Variants in PALM2AKAP2 observed in about 807,000 individuals in gnomAD.
PALM2AKAP2 encodes the protein PALM2 and AKAP2 fusion.
Under a neutral mutation model 71.5 loss-of-function variants are expected in PALM2AKAP2, and 37 were observed. That is an observed-to-expected ratio of 0.52 (90% CI 0.40 to 0.68). The LOEUF is 0.68. Ranked by LOEUF, PALM2AKAP2 falls within the 30% of genes least tolerant of loss-of-function variation. PALM2AKAP2 has a pLI of 0.00. For missense variants in PALM2AKAP2, 1,224 were observed against 1,191.8 expected (o/e 1.03, Z -0.40); for synonymous variants, 468 against 478.8 (o/e 0.98, Z 0.29).
intron 1 of PALM2AKAP2, among the ~76,000 whole-genome samples, chr9:109,736,556 A>G (rs1243570682): frequency 1.3e-5 from 2 of 151,948 alleles, no homozygotes; most frequent in East Asian, 3.9e-4. Context: ...TTTGACTGCC[A>G]TTTTCTTTTT....
At chr9:109,793,882 T>C (rs1445515902) in intron 1 of PALM2AKAP2, among the ~76,000 whole-genome samples, 2 of 152,272 alleles carry the variant, frequency 1.3e-5, no homozygotes, top group Non-Finnish European at 2.9e-5. Context: ...CATGTATGTG[T>C]TGTCTATGGC....
At position 110,125,768 on chromosome 9, in the gene PALM2AKAP2, TTCTCTC is replaced by T. The variant is rs113303899; in HGVS notation, c.157-10353_157-10348del. Reference sequence around the variant, plus strand: ...AGCCGAGCTCAGACTGGTGTCTTGCTTCTCTCTCTCTTTTTTTTTTTTTTGCAAATC... The same window carrying T: ...AGCCGAGCTCAGACTGGTGTCTTGCTTCTCTTTTTTTTTTTTTTGCAAATC... On this transcript the variant is annotated intron_variant, in intron 1 of 3. Transcript: ENST00000374525. Among the ~76,000 whole-genome samples, 4 of 148,434 alleles carry T rather than the reference TTCTCTC, an allele frequency of 2.7e-5. No homozygotes were observed. In the South Asian group the frequency reaches 8.5e-4, roughly 32 times the overall value.
chr9:109,876,685 G>A lies in PALM2AKAP2; in HGVS notation c.127-3866G>A, dbSNP rs180971661. Among the ~76,000 whole-genome samples the A allele has an allele frequency of 2.0e-3, 306 of 152,120 alleles. 2 individuals carry two copies. The highest frequency in any genetic ancestry group is 7.1e-3 in the African/African-American group (293 of 41,498). ...AGTAGAAATGGTGTTTCACCATTTTGGCCAGGCTGGTCTCGAACTCTTGAC... is the reference window on the plus strand; with the variant it reads ...AGTAGAAATGGTGTTTCACCATTTTAGCCAGGCTGGTCTCGAACTCTTGAC... On this transcript the variant is annotated intron_variant, in intron 2 of 9. Transcript: ENST00000302798.
intron 1 of PALM2AKAP2, chr9:110,090,055 T>A (rs7847333): frequency 0.16 from 30,908 of 187,656 alleles, 3,575 homozygotes; most frequent in African/African-American, 0.34. Flanking sequence ...TGATCATTAG[T>A]AGCTGTGTAA....
Position 109,827,979 on chromosome 9 carries a change from G to C in PALM2AKAP2, c.46-39512G>C, listed in dbSNP as rs1828199476. 2.6e-5 allele frequency among the ~76,000 whole-genome samples: 4 copies of C among 152,230 alleles called. No homozygotes were observed. The South Asian group carries it at 8.3e-4, about 32-fold the overall frequency. ...TAATCCATAAAGGGCAAGAGAAGTA[G>C]AGCCAGCTTTTATTGAGTACCTGCC... On this transcript the variant is annotated intron_variant, in intron 1 of 9. Coordinates refer to the PALM2AKAP2 transcript ENST00000302798.
intron 3 of PALM2AKAP2, among the ~76,000 whole-genome samples, chr9:109,894,420 A>G (rs1178555734): frequency 6.6e-6 from 1 of 152,180 alleles, no homozygotes; most frequent in African/African-American, 2.4e-5. Flanking sequence ...TTGCTTTATT[A>G]CAGAAAAGTG....
intron 6 of PALM2AKAP2, among the ~76,000 whole-genome samples, chr9:109,980,502 C>T (rs1319768619): frequency 6.6e-6 from 1 of 152,216 alleles, no homozygotes; most frequent in Admixed American, 6.5e-5. Flanking sequence ...CTGGAGGCCT[C>T]ATCGTACACC....
chr9:109,955,621 T>C (rs1218282900), intron 6 of PALM2AKAP2, among the ~76,000 whole-genome samples: 1 of 150,398 alleles, frequency 6.6e-6, no homozygotes, highest in South Asian at 2.1e-4. Flanking sequence ...GGTTGTAGAA[T>C]ACTACTATTC....
intron 1 of PALM2AKAP2, among the ~76,000 whole-genome samples, chr9:109,660,360 C>A (rs747820659): frequency 6.6e-6 from 1 of 152,200 alleles, no homozygotes; most frequent in Non-Finnish European, 1.5e-5. Flanking sequence ...CCCCAACTCC[C>A]GACAGGCCCT....
chr9:109,765,210 T>G (rs577299012), intron 1 of PALM2AKAP2, among the ~76,000 whole-genome samples: 1 of 152,194 alleles, frequency 6.6e-6, no homozygotes, highest in Non-Finnish European at 1.5e-5. Flanking sequence ...TCTGATGAAG[T>G]CAGTCTGAGG....
chr9:109,764,238 G>A (rs1829108289), intron 1 of PALM2AKAP2, among the ~76,000 whole-genome samples: 1 of 152,080 alleles, frequency 6.6e-6, no homozygotes. Flanking sequence ...GTCACCTGCA[G>A]GGGAACATCT....
Position 110,035,554 on chromosome 9 carries a change from A to G in PALM2AKAP2, c.582+19515A>G, listed in dbSNP as rs577870772. On this transcript the variant is annotated intron_variant, in intron 7 of 9. Transcript: ENST00000302798. The stretch of plus-strand genomic sequence containing the variant: ...ATATAGGATATGTTGTGTGTTATAT[A>G]TAACATATATAGGATATGTTGTGTT... 1.8e-4 allele frequency among the ~76,000 whole-genome samples: 26 copies of G among 144,820 alleles called. No individual in the cohort carries two copies. In the East Asian group the frequency reaches 4.5e-3, roughly 25 times the overall value.
At chr9:110,056,280 T>C (rs1283726177) in intron 1 of PALM2AKAP2, among the ~76,000 whole-genome samples, 1 of 152,258 alleles carries the variant, frequency 6.6e-6, no homozygotes, top group Non-Finnish European at 1.5e-5. Flanking sequence ...ATTACCGTGA[T>C]GTCATTCCCA....
chr9:109,944,926 T>C (rs1831467208), intron 6 of PALM2AKAP2: 1 of 152,206 alleles, frequency 6.6e-6, no homozygotes, highest in Non-Finnish European at 1.5e-5. Flanking sequence ...TATAGCATTG[T>C]TATGAATTAT....
exon 2 of PALM2AKAP2, chr9:110,137,075 C>T: frequency 6.2e-7 from 1 of 1,613,756 alleles, no homozygotes; most frequent in South Asian, 1.1e-5. Flanking sequence ...ACAGTTGCTG[C>T]TGCAGAAGCA....
At chr9:109,942,610 T>G (rs1032423912) in intron 6 of PALM2AKAP2, 5 of 1,486,034 alleles carry the variant, frequency 3.4e-6, no homozygotes, top group Non-Finnish European at 4.5e-6. Flanking sequence ...CCTTTTTTTT[T>G]GTCTGTTTGG....
At chr9:109,939,439 G>A (rs1315151125) in intron 6 of PALM2AKAP2, among the ~76,000 whole-genome samples, 2 of 152,146 alleles carry the variant, frequency 1.3e-5, no homozygotes, top group Non-Finnish European at 2.9e-5. Context: ...TATCACATAT[G>A]GATATAAAAA....
At chr9:109,707,009 T>C (rs1310357524) in intron 1 of PALM2AKAP2, among the ~76,000 whole-genome samples, 3 of 152,220 alleles carry the variant, frequency 2.0e-5, no homozygotes, top group Middle Eastern at 3.2e-3. Context: ...CTAAAAACCA[T>C]TGACTAGTAC....
At chr9:109,925,385 A>C (rs1830933625) in intron 5 of PALM2AKAP2, among the ~76,000 whole-genome samples, 1 of 151,604 alleles carries the variant, frequency 6.6e-6, no homozygotes, top group Admixed American at 6.6e-5. Context: ...AGCAAAGAAG[A>C]GTACTAACAT....
Sources: allele counts gnomAD v4.1 joint callset (sites outside exome capture counted in the v4.1 genomes callset), GRCh38; gene constraint gnomAD v4.1.1; transcripts MANE v1.5; gene names NCBI Gene and HGNC (gene_info 2026-07-23, HGNC 2026-07-21).